The following DAPK1 variants were observed in gnomAD, a reference collection of about 807,000 sequenced individuals.
The protein encoded by DAPK1 is death-associated protein kinase 1.
Under a neutral mutation model 144.9 loss-of-function variants are expected in DAPK1, and 56 were observed. The observed-to-expected ratio is 0.39, with a 90% CI of 0.31 to 0.48. The LOEUF is 0.48. DAPK1 is among the 20% of genes least tolerant of loss of function. DAPK1 has a pLI of 0.95. For missense variants in DAPK1, 1,454 were observed against 1,875.4 expected, an observed-to-expected ratio of 0.78 and a Z score of 4.15; for synonymous variants, 690 against 749.0, an observed-to-expected ratio of 0.92 and a Z score of 1.29.
In DAPK1 at chr9:87,537,321, T is replaced by TAGTG. The variant is rs1311273728; in HGVS notation, c.62+38183_62+38186dup. Among the ~76,000 whole-genome samples, 4 of 152,138 alleles carry TAGTG rather than the reference T, an allele frequency of 2.6e-5. No homozygotes were observed. The East Asian group carries it at 7.7e-4, about 29-fold the overall frequency. ...TTTCATGTGTTTTGGAGGCCCTCTG[T>TAGTG]AGTGCATCAGTATCCCCCATCACAT... On this transcript the variant is annotated intron_variant, in intron 2 of 25. Coordinates refer to ENST00000408954, the MANE Select transcript of DAPK1 (RefSeq NM_004938.4).
At chr9:87,564,547 T>C (rs1231483261) in intron 2 of DAPK1, among the ~76,000 whole-genome samples, 6 of 148,122 alleles carry the variant, frequency 4.1e-5, no homozygotes, top group Non-Finnish European at 8.9e-5. Context: ...CTTCCTACTG[T>C]GTTATTTCAT....
chr9:87,552,353 AGGAGGGATATCTGCAGCTG>A (rs1293701489), intron 2 of DAPK1, among the ~76,000 whole-genome samples: 1 of 152,168 alleles, frequency 6.6e-6, no homozygotes, highest in Admixed American at 6.5e-5. Flanking sequence ...TGCAGCTGGA[AGGAGGGATATCTGCAGCTG>A]GAAGGAGTGT....
intron 2 of DAPK1, among the ~76,000 whole-genome samples, chr9:87,520,352 C>T (rs143007433): frequency 4.8e-4 from 73 of 152,192 alleles, no homozygotes; most frequent in African/African-American, 1.6e-3. Context: ...GGAGGAACTG[C>T]TGGGGTGTGA....
intron 21 of DAPK1, among the ~76,000 whole-genome samples, chr9:87,690,153 A>G (rs970837622): frequency 2.0e-5 from 3 of 152,022 alleles, no homozygotes; most frequent in Admixed American, 2.0e-4. Context: ...ATGTATTTGC[A>G]TTTGTTTGTG....
At chr9:87,620,878 G>T (rs979317020) in intron 3 of DAPK1, among the ~76,000 whole-genome samples, 1 of 152,160 alleles carries the variant, frequency 6.6e-6, no homozygotes, top group Non-Finnish European at 1.5e-5. Flanking sequence ...GAGATGCCTG[G>T]AGGCCCCTGC....
In DAPK1 at chr9:87,646,033, G is replaced by T. The variant is rs777152411; in HGVS notation, c.1131+19G>T. The T allele has an allele frequency of 1.2e-5, 19 of 1,609,246 alleles. No individual in the cohort carries two copies. The highest frequency in any genetic ancestry group is 1.6e-5 in the Non-Finnish European group (19 of 1,177,412). On this transcript the variant is annotated intron_variant, in intron 12 of 25. Transcript: ENST00000408954. ...CAACAAGGTCTGGTTCTGTTCTGCC[G>T]CATACTGGAGGGGTGGGTCACAGCG...
intron 2 of DAPK1, among the ~76,000 whole-genome samples, chr9:87,526,205 C>T (rs1004375216): frequency 1.3e-5 from 2 of 151,786 alleles, no homozygotes; most frequent in African/African-American, 4.8e-5. Flanking sequence ...ACATTCACAC[C>T]TTTTAATATG....
Position 87,647,401 on chromosome 9 carries a change from A to C in DAPK1, c.1327A>C (p.Lys443Gln). 6.2e-7 allele frequency: 1 copy of C among 1,613,730 alleles called. No individual in the cohort carries two copies. The highest frequency in any genetic ancestry group is 1.3e-5 in the African/African-American group (1 of 75,020). Reference sequence around the variant, plus strand: ...CAAATGCCCTTTGGATGTGAAAGACAAGGTAAGGCCACTTCTCTTAGGAGG... The same window carrying C: ...CAAATGCCCTTTGGATGTGAAAGACCAGGTAAGGCCACTTCTCTTAGGAGG... The part of the protein sequence containing the change: ...ENKCPLDVKD[K>Q]SGEMALHVAA... Residue 443 changes from lysine (K) to glutamine (Q), a missense_variant and splice_region_variant, in exon 14 of 26, where the codon AAG (lysine) becomes CAG (glutamine). Transcript: ENST00000408954.
intron 2 of DAPK1, 64 bp downstream of exon 2, chr9:87,499,203 G>C: frequency 1.5e-6 from 2 of 1,371,108 alleles, no homozygotes; most frequent in South Asian, 2.3e-5. Context: ...GGGGCCATTG[G>C]GTGGTAAACA....
At chr9:87,695,321 GGTACAGAGTAA>G (rs1035509955) in intron 21 of DAPK1, among the ~76,000 whole-genome samples, 1 of 152,176 alleles carries the variant, frequency 6.6e-6, no homozygotes, top group African/African-American at 2.4e-5. Context: ...CAGGATTTTG[GGTACAGAGTAA>G]GCACTGAGGG....
At chr9:87,643,592 T>A in intron 11 of DAPK1, 124 bp downstream of exon 11, 1 of 673,446 alleles carries the variant, frequency 1.5e-6, no homozygotes, top group Non-Finnish European at 2.6e-6. Context: ...TTATTCTTGA[T>A]CCCCTCGGAG....
intron 2 of DAPK1, among the ~76,000 whole-genome samples, chr9:87,534,195 A>G (rs1825789093): frequency 6.6e-6 from 1 of 151,814 alleles, no homozygotes; most frequent in Non-Finnish European, 1.5e-5. Context: ...TATATGTGCA[A>G]TGTGCGATAT....
chr9:87,534,227 C>G (rs920411301), intron 2 of DAPK1, among the ~76,000 whole-genome samples: 1 of 148,914 alleles, frequency 6.7e-6, no homozygotes, highest in African/African-American at 2.5e-5. Context: ...GGCCAAAATG[C>G]AGTTGGCTCA....
chr9:87,547,945 G>T (rs1307701546), intron 2 of DAPK1, among the ~76,000 whole-genome samples: 2 of 152,206 alleles, frequency 1.3e-5, no homozygotes, highest in Admixed American at 1.3e-4. Flanking sequence ...GGCCCAGTCA[G>T]GTTGACACAT....
chr9:87,616,659 G>C (rs966247239), intron 3 of DAPK1, among the ~76,000 whole-genome samples: 1 of 152,196 alleles, frequency 6.6e-6, no homozygotes, highest in Admixed American at 6.5e-5. Flanking sequence ...CATGATAAGT[G>C]ATGGGGAAGC....
intron 2 of DAPK1, among the ~76,000 whole-genome samples, chr9:87,567,852 C>G (rs939971650): frequency 1.3e-5 from 2 of 152,162 alleles, no homozygotes; most frequent in Admixed American, 1.3e-4. Context: ...GGCTAGCGAT[C>G]GTTTCCATGG....
At chr9:87,576,155 T>TACACACACGTGC (rs1171417941) in intron 2 of DAPK1, among the ~76,000 whole-genome samples, 1 of 152,170 alleles carries the variant, frequency 6.6e-6, no homozygotes, top group Admixed American at 6.5e-5. Flanking sequence ...TTCATACACG[T>TACACACACGTGC]ACACACACGT....
At chr9:87,660,310 T>C (rs1830797328) in intron 18 of DAPK1, among the ~76,000 whole-genome samples, 1 of 152,000 alleles carries the variant, frequency 6.6e-6, no homozygotes, top group Admixed American at 6.5e-5. Context: ...CCCTCCAGAC[T>C]GGAGGGCATT....
At chr9:87,594,235 C>T (rs1377260490) in intron 2 of DAPK1, among the ~76,000 whole-genome samples, 1 of 152,158 alleles carries the variant, frequency 6.6e-6, no homozygotes, top group Admixed American at 6.5e-5. Context: ...TATGCTTTCC[C>T]AACACTTACT....
Sources: gnomAD v4.1 joint callset for allele counts (sites outside exome capture counted in the v4.1 genomes callset) on GRCh38, gnomAD v4.1.1 for gene constraint, MANE v1.5 for transcripts, NCBI Gene and HGNC (gene_info 2026-07-23, HGNC 2026-07-21) for gene names.